Variants in C10orf67 observed in about 807,000 individuals in gnomAD.
C10orf67 encodes uncharacterized protein C10orf67, mitochondrial.
A neutral mutation model predicts 35.6 loss-of-function variants in C10orf67; 60 were observed. The ratio of observed to expected loss-of-function variants is 1.68; its 90% CI spans 1.37 to 2.09. The LOEUF is 2.09. Among genes scored for constraint, C10orf67 ranks in the 30% most tolerant of loss-of-function variants. The pLI is 0.00. For synonymous variants in C10orf67, 167 were observed against 115.8 expected (o/e 1.44, Z -2.84); for missense variants, 474 against 330.2 (o/e 1.44, Z -3.38).
chr10:23,273,005 T>C (rs535929645), intron 8 of C10orf67, among the ~76,000 whole-genome samples: 37 of 152,374 alleles, frequency 2.4e-4, no homozygotes, highest in African/African-American at 7.2e-4. Flanking sequence ...TGCTTATATA[T>C]AGAAGTACAA....
At chr10:23,242,409 G>C (rs1353425700) in intron 12 of C10orf67, among the ~76,000 whole-genome samples, 1 of 152,038 alleles carries the variant, frequency 6.6e-6, no homozygotes, top group Non-Finnish European at 1.5e-5. Flanking sequence ...CAGCAAACCT[G>C]TATTAAAAAT....
In C10orf67 at chr10:23,328,618, C is replaced by A. The variant is rs1410488858; in HGVS notation, c.327+4444G>T. On this transcript the variant is annotated intron_variant, in intron 2 of 15. Coordinates refer to ENST00000636213, the MANE Select transcript of C10orf67 (RefSeq NM_001371909.1). Reference sequence around the variant, plus strand: ...CTCTTGATATTTTATGAAGCCAATGCAGTTGTTTTTTCTAAACACGGAGCT... The same window carrying A: ...CTCTTGATATTTTATGAAGCCAATGAAGTTGTTTTTTCTAAACACGGAGCT... Among the ~76,000 whole-genome samples the A allele has an allele frequency of 2.7e-5, 4 of 150,888 alleles. No individual in the cohort carries two copies. The East Asian group carries it at 7.8e-4, about 29-fold the overall frequency.
rs571228069 is a variant in C10orf67 at position 23,275,971 on chromosome 10, A to C, written c.975+6042T>G. ...CTGCCTCAGAATTCTCTCTCAATAC[A>C]TTGGAGTTGATACATGAACTTATGT... On this transcript the variant is annotated intron_variant, in intron 8 of 15. Coordinates refer to ENST00000636213, the MANE Select transcript of C10orf67 (RefSeq NM_001371909.1). 6.6e-5 allele frequency among the ~76,000 whole-genome samples: 10 copies of C among 152,284 alleles called. 1 individual carries two copies. In the South Asian group the frequency reaches 1.9e-3, roughly 28 times the overall value.
intron 15 of C10orf67, among the ~76,000 whole-genome samples, chr10:23,208,398 T>C (rs559386936): frequency 1.2e-4 from 18 of 152,334 alleles, no homozygotes; most frequent in African/African-American, 3.8e-4. Flanking sequence ...ATTATTCTTA[T>C]GGGAAAAGTG....
intron 13 of C10orf67, among the ~76,000 whole-genome samples, chr10:23,227,466 C>T (rs1375117725): frequency 6.6e-6 from 1 of 152,094 alleles, no homozygotes; most frequent in Non-Finnish European, 1.5e-5. Context: ...TTATGACAAA[C>T]CCACAGCCAA....
intron 1 of C10orf67, among the ~76,000 whole-genome samples, chr10:23,333,639 A>C (rs189320396): frequency 6.6e-6 from 1 of 152,244 alleles, no homozygotes; most frequent in East Asian, 1.9e-4. Flanking sequence ...TTAAGATTTT[A>C]TTTGTCTTTT....
intron 8 of C10orf67, among the ~76,000 whole-genome samples, chr10:23,270,697 G>T (rs185323465): frequency 2.6e-5 from 4 of 152,236 alleles, no homozygotes; most frequent in Middle Eastern, 3.2e-3. Context: ...TTCCCAGGGG[G>T]AGAGGCGGCT....
intron 7 of C10orf67, among the ~76,000 whole-genome samples, chr10:23,282,924 A>C (rs7922989): frequency 0.84 from 126,291 of 150,954 alleles, 54,038 homozygotes; most frequent in Non-Finnish European, 0.92. Flanking sequence ...TGGGAAGGGT[A>C]GTGAGGGGTG....
At chr10:23,220,080 G>A (rs1351224480) in intron 15 of C10orf67, among the ~76,000 whole-genome samples, 6 of 152,176 alleles carry the variant, frequency 3.9e-5, no homozygotes, top group Non-Finnish European at 5.9e-5. Context: ...GCTGAGGCAG[G>A]AGGATCACCT....
chr10:23,313,981 T>C (rs1254854829), intron 4 of C10orf67, among the ~76,000 whole-genome samples: 2 of 137,738 alleles, frequency 1.5e-5, no homozygotes, highest in Non-Finnish European at 3.0e-5. Context: ...ACGCTGACTA[T>C]CGAAACTAGT....
At chr10:23,217,405 G>A (rs1841460155) in intron 15 of C10orf67, among the ~76,000 whole-genome samples, 1 of 152,162 alleles carries the variant, frequency 6.6e-6, no homozygotes, top group Non-Finnish European at 1.5e-5. Flanking sequence ...GGATTTGCAT[G>A]AATCCATGTA....
rs117643473 is a variant in C10orf67, at chr10:23,334,511, G to A, written c.207-1329C>T. Among the ~76,000 whole-genome samples the A allele has an allele frequency of 6.7e-3, 1,022 of 152,358 alleles. 4 individuals carry two copies. The highest frequency in any genetic ancestry group is 0.014 in the African/African-American group (569 of 41,584). ...GCTGACGAGAGCATACCCCCATGCG[G>A]GGCACCCCATGGCAACTCCCCTCTT... On this transcript the variant is annotated intron_variant, in intron 1 of 15. Coordinates refer to ENST00000636213, the MANE Select transcript of C10orf67 (RefSeq NM_001371909.1).
intron 2 of C10orf67, among the ~76,000 whole-genome samples, chr10:23,329,399 A>G (rs1271604973): frequency 1.3e-5 from 2 of 152,194 alleles, no homozygotes; most frequent in Non-Finnish European, 1.5e-5. Context: ...ATGGGAATAC[A>G]TACATAACAA....
At chr10:23,209,022 C>T (rs1038219331) in intron 15 of C10orf67, among the ~76,000 whole-genome samples, 15 of 151,900 alleles carry the variant, frequency 9.9e-5, no homozygotes, top group African/African-American at 3.1e-4. Context: ...GCAGAAGACC[C>T]ACCACCTAGA....
intron 2 of C10orf67, among the ~76,000 whole-genome samples, chr10:23,326,654 A>C (rs1469475270): frequency 1.3e-5 from 2 of 152,156 alleles, no homozygotes; most frequent in African/African-American, 4.8e-5. Context: ...AAACATCATG[A>C]GTTTGTAATG....
chr10:23,271,580 A>T (rs952514817), intron 8 of C10orf67, among the ~76,000 whole-genome samples: 1 of 152,198 alleles, frequency 6.6e-6, no homozygotes, highest in Non-Finnish European at 1.5e-5. Context: ...CCTTGACAAC[A>T]CTTTATATGG....
chr10:23,263,129 G>A (rs7070758), intron 10 of C10orf67, among the ~76,000 whole-genome samples: 37,832 of 152,104 alleles, frequency 0.25, 5,775 homozygotes, highest in African/African-American at 0.41. Flanking sequence ...CAGGTAAAGT[G>A]CTGGTTTTCC....
intron 5 of C10orf67, among the ~76,000 whole-genome samples, chr10:23,302,329 C>T (rs1468688335): frequency 2.0e-5 from 3 of 151,784 alleles, no homozygotes; most frequent in Non-Finnish European, 4.4e-5. Flanking sequence ...GATAAAGCTC[C>T]CCCTCTGTAA....
At chr10:23,275,971 A>G (rs571228069) in intron 8 of C10orf67, among the ~76,000 whole-genome samples, 2 of 152,168 alleles carry the variant, frequency 1.3e-5, no homozygotes, top group African/African-American at 4.8e-5. Context: ...CTCTCAATAC[A>G]TTGGAGTTGA....
Sources: gnomAD v4.1 joint callset for allele counts (sites outside exome capture counted in the v4.1 genomes callset) on GRCh38, gnomAD v4.1.1 for gene constraint, MANE v1.5 for transcripts, NCBI Gene and HGNC (gene_info 2026-07-23, HGNC 2026-07-21) for gene names.